The following KRT85 variants were observed in gnomAD, a reference collection of about 807,000 sequenced individuals.
The protein encoded by KRT85 is keratin, type II cuticular Hb5.
KRT85 carries 39 observed loss-of-function variants against 53.7 expected under a neutral mutation model. The observed-to-expected ratio is 0.73, with a 90% CI of 0.56 to 0.95. The LOEUF (loss-of-function observed/expected upper bound fraction) is 0.95. Among genes scored for constraint, KRT85 ranks in the 40% least tolerant of loss-of-function variants. The pLI, the probability that KRT85 is intolerant of heterozygous loss-of-function variation, is 0.00. For synonymous variants in KRT85, 291 were observed against 277.5 expected (o/e 1.05, Z -0.48); for missense variants, 668 against 686.0 (o/e 0.97, Z 0.29).
Position 52,365,165 on chromosome 12 carries a change from G to A in KRT85, c.426C>T (p.Arg142=). 1 of 1,614,170 alleles carries A rather than the reference G, an allele frequency of 6.2e-7. No individual in the cohort carries two copies. Among genetic ancestry groups the A allele is most frequent in the Non-Finnish European group, 8.5e-7 (1 of 1,180,042 alleles). ...GCAGCTTGTTCTGCTGCTCCAGGAA[G>A]CGCACCTGCCATTCAGGTGGAAAGA... The part of the protein sequence containing the change: ...SRFAAFIDKV[R]FLEQQNKLLE... Residue 142 remains arginine, a synonymous_variant, in exon 2 of 9, where the codon CGC becomes CGT. Transcript: ENST00000257901.
At position 52,362,450 on chromosome 12, in the gene KRT85, C is replaced by T. The variant is rs1259893590; in HGVS notation, c.1099G>A (p.Val367Met). ...KCQRAKLEAA[V>M]AEAEQQGEAA... ...TCACCCTGCTGCTCTGCCTCAGCCA[C>T]AGCAGCCTCCAGCTTGGCACGCTAT... The change falls in exon 7 of 9, where the codon GTG becomes ATG. Residue 367 changes from valine (V) to methionine (M), a missense_variant. Physicochemically the swap from Val to Met is conservative, Grantham distance 21 (BLOSUM62 1). Transcript: ENST00000257901. 1.9e-6 allele frequency: 3 copies of T among 1,614,180 alleles called. No homozygotes were observed. The highest frequency in any genetic ancestry group is 2.5e-6 in the Non-Finnish European group (3 of 1,180,036).
intron 7 of KRT85, 132 bp downstream of exon 7, chr12:52,362,119 T>C: frequency 9.1e-7 from 1 of 1,094,350 alleles, no homozygotes; most frequent in Non-Finnish European, 1.4e-6. Context: ...ATTCAGTTAT[T>C]ATTATTATTA....
At chr12:52,365,236 C>T (rs1163509333) in intron 1 of KRT85, 66 bp from the exon 2 acceptor site, 1 of 1,537,684 alleles carries the variant, frequency 6.5e-7, no homozygotes, top group Non-Finnish European at 9.0e-7. Flanking sequence ...CCCCCACAGT[C>T]TCTCTGCCCT....
At chr12:52,362,079 A>G (rs1297461791) in intron 7 of KRT85, among the ~76,000 whole-genome samples, 172 bp downstream of exon 7, 2 of 152,242 alleles carry the variant, frequency 1.3e-5, no homozygotes, top group Non-Finnish European at 2.9e-5. Flanking sequence ...ATTATAAAAT[A>G]AACACTTAGC....
In KRT85 at chr12:52,364,303, C is replaced by T; in HGVS notation, c.690+3G>A. The T allele has an allele frequency of 6.2e-7, 1 of 1,614,206 alleles. No individual in the cohort carries two copies. The highest frequency in any genetic ancestry group is 8.5e-7 in the Non-Finnish European group (1 of 1,180,026). On this transcript the variant is annotated splice_donor_region_variant and intron_variant, in intron 3 of 8. Coordinates refer to ENST00000257901, the MANE Select transcript of KRT85 (RefSeq NM_002283.4). ...CCTCCTTGCCCCATGACCAGCCCCT[C>T]ACCTTCTTTAGAACGACAAACTCAT...
At position 52,361,452 on chromosome 12, in the gene KRT85, C is replaced by T; in HGVS notation, c.1330+15G>A. ...AAAAGCCATTTTTCCAGGAGAATTT[C>T]AGGCAGATACTCACAGACATTCACA... On this transcript the variant is annotated intron_variant, in intron 8 of 8. Transcript: ENST00000257901. 1 of 1,613,518 alleles carries T rather than the reference C, an allele frequency of 6.2e-7. No homozygotes were observed. Among genetic ancestry groups the T allele is most frequent in the South Asian group, 1.1e-5 (1 of 91,076 alleles).
intron 1 of KRT85, among the ~76,000 whole-genome samples, chr12:52,366,765 C>T (rs924464687): frequency 1.3e-5 from 2 of 152,182 alleles, no homozygotes; most frequent in Non-Finnish European, 2.9e-5. Flanking sequence ...CACACATGCA[C>T]ACACTTTGGA....
chr12:52,364,672 G>A, intron 2 of KRT85: 3 of 1,437,840 alleles, frequency 2.1e-6, no homozygotes, highest in South Asian at 1.5e-5. Context: ...AGATCACAGA[G>A]CCCATGTCAT....
chr12:52,367,212 CG>C lies in KRT85; in HGVS notation c.193del (p.Arg65GlyfsTer2). The C allele has an allele frequency of 6.2e-7, 1 of 1,613,614 alleles. No homozygotes were observed. The highest frequency in any genetic ancestry group is 1.1e-5 in the South Asian group (1 of 91,020). On this transcript the variant is annotated frameshift_variant, in exon 1 of 9. Coordinates refer to ENST00000257901, the MANE Select transcript of KRT85 (RefSeq NM_002283.4). LOFTEE classifies it high-confidence loss of function. Reference protein sequence around the residue: ...SLCNLGSCGPRIAVGGFRAGS... With the variant: ...SLCNLGSCGPXIAVGGFRAGS... ...GGCTCGGAAGCCACCTACAGCTATC[CG>C]GGGCCCGCAGGAGCCCAGGTTGCAG...
At chr12:52,366,942 G>C in intron 1 of KRT85, 44 bp downstream of exon 1, 3 of 1,613,914 alleles carry the variant, frequency 1.9e-6, no homozygotes, top group African/African-American at 1.3e-5. Flanking sequence ...CCCAAGGGAG[G>C]ACAGGGCTGG....
intron 7 of KRT85, among the ~76,000 whole-genome samples, chr12:52,361,858 T>A (rs1222530628): frequency 1.3e-5 from 2 of 151,940 alleles, no homozygotes; most frequent in East Asian, 1.9e-4. Context: ...AAGTGCATCA[T>A]CATCATAACA....
chr12:52,367,339 C>T lies in KRT85; in HGVS notation c.67G>A (p.Ala23Thr). 6.2e-7 allele frequency: 1 copy of T among 1,614,138 alleles called. No individual in the cohort carries two copies. The highest frequency in any genetic ancestry group is 8.5e-7 in the Non-Finnish European group (1 of 1,180,030). Residue 23 changes from alanine (A) to threonine (T), a missense_variant, in exon 1 of 9, where the codon GCT becomes ACT. Coordinates refer to ENST00000257901, the MANE Select transcript of KRT85 (RefSeq NM_002283.4). The stretch of plus-strand genomic sequence containing the variant: ...CGGTTGCCAGTTTTGGGGGCCACAG[C>T]TGAGCAGGAGCTGAAGTTCCTGGTG... ...GVTRNFSSCS[A>T]VAPKTGNRCC...
intron 1 of KRT85, among the ~76,000 whole-genome samples, chr12:52,366,701 C>A (rs1026421378): frequency 6.6e-6 from 1 of 152,064 alleles, no homozygotes; most frequent in Non-Finnish European, 1.5e-5. Flanking sequence ...ACACACCACA[C>A]ACTAACATAC....
At chr12:52,362,751 C>T (rs1246488637) in intron 6 of KRT85, 103 bp downstream of exon 6, 3 of 1,555,392 alleles carry the variant, frequency 1.9e-6, no homozygotes, top group African/African-American at 1.4e-5. Context: ...CCCCTCCCTT[C>T]CCTCTGGGTC....
chr12:52,361,163 A>G, intron 8 of KRT85, 117 bp from the exon 9 acceptor site: 1 of 923,484 alleles, frequency 1.1e-6, no homozygotes, highest in Non-Finnish European at 1.7e-6. Flanking sequence ...GTGGTCAACA[A>G]TGCAGGCCCT....
intron 1 of KRT85, among the ~76,000 whole-genome samples, chr12:52,366,749 C>A (rs1352009808): frequency 6.6e-6 from 1 of 151,990 alleles, no homozygotes; most frequent in Non-Finnish European, 1.5e-5. Context: ...CACACATGTA[C>A]ACACACACAC....
intron 3 of KRT85, 32 bp from the exon 4 acceptor site, chr12:52,364,195 A>G: frequency 1.2e-6 from 2 of 1,613,068 alleles, no homozygotes; most frequent in Non-Finnish European, 1.7e-6. Flanking sequence ...GGGGACATGC[A>G]TGTGAGAGGA....
At chr12:52,363,593 G>C (rs1939227580) in intron 4 of KRT85, among the ~76,000 whole-genome samples, 183 bp from the exon 5 acceptor site, 1 of 152,214 alleles carries the variant, frequency 6.6e-6, no homozygotes, top group African/African-American at 2.4e-5. Flanking sequence ...AGGGGCTGTA[G>C]AGGCCATCTG....
chr12:52,362,545 A>C (rs1939208550), intron 6 of KRT85, 74 bp from the exon 7 acceptor site: 1 of 1,571,320 alleles, frequency 6.4e-7, no homozygotes, highest in Admixed American at 1.8e-5. Flanking sequence ...TGATGGAGCC[A>C]GGGCAGGGAG....
Sources: allele counts gnomAD v4.1 joint callset (sites outside exome capture counted in the v4.1 genomes callset), GRCh38; gene constraint gnomAD v4.1.1; transcripts MANE v1.5; gene names NCBI Gene and HGNC (gene_info 2026-07-23, HGNC 2026-07-21).